The following PDE7B variants were observed in gnomAD, a reference collection of about 807,000 sequenced individuals.
The protein encoded by PDE7B is phosphodiesterase 7B.
In PDE7B, 29 loss-of-function variants were observed where a neutral mutation model predicts 56.2. That is an observed-to-expected ratio of 0.52 (90% confidence interval 0.38 to 0.70). The LOEUF is 0.70. Ranked by LOEUF, PDE7B falls within the 30% of genes least tolerant of loss-of-function variation. The pLI is 0.00. For synonymous variants in PDE7B, 197 were observed against 196.9 expected (o/e 1.00, Z 0.00); for missense variants, 490 against 565.0 (o/e 0.87, Z 1.35).
intron 2 of PDE7B, among the ~76,000 whole-genome samples, chr6:135,995,227 T>C (rs962376960): frequency 3.8e-5 from 5 of 130,074 alleles, no homozygotes; most frequent in Non-Finnish European, 8.0e-5. Flanking sequence ...GCTCCATACA[T>C]ATGTACCACC....
At chr6:136,096,879 G>GTC (rs1345452007) in intron 2 of PDE7B, among the ~76,000 whole-genome samples, 2 of 151,854 alleles carry the variant, frequency 1.3e-5, no homozygotes, top group African/African-American at 4.8e-5. Flanking sequence ...CTCTCTCTGT[G>GTC]TCTCTCTCTC....
chr6:136,078,328 C>T (rs1777153954), intron 2 of PDE7B, among the ~76,000 whole-genome samples: 1 of 152,154 alleles, frequency 6.6e-6, no homozygotes, highest in Non-Finnish European at 1.5e-5. Context: ...GACTTTCCAA[C>T]ATTTAACTAA....
At chr6:136,057,301 G>A (rs557296750) in intron 2 of PDE7B, among the ~76,000 whole-genome samples, 17 of 152,298 alleles carry the variant, frequency 1.1e-4, no homozygotes, top group Admixed American at 1.3e-4. Context: ...TACTCTGAGT[G>A]ATAAATAGTG....
chr6:135,928,596 C>T (rs1295957312), intron 1 of PDE7B, among the ~76,000 whole-genome samples: 2 of 147,194 alleles, frequency 1.4e-5, no homozygotes, highest in African/African-American at 5.0e-5. Context: ...CACATACATA[C>T]ATATACACCA....
At position 136,193,260 on chromosome 6, in the gene PDE7B, G is replaced by A. The variant is rs1028882363; in HGVS notation, c.*1420G>A. The A allele has an allele frequency of 6.6e-6, 1 of 152,586 alleles. No homozygotes were observed. Among genetic ancestry groups the A allele is most frequent in the Non-Finnish European group, 1.5e-5 (1 of 68,030 alleles). 9.5% of individuals were successfully genotyped at this position (152,586 alleles called of 1,614,324 possible). On this transcript the variant is annotated 3_prime_UTR_variant, in exon 13 of 13. Coordinates refer to ENST00000308191, the MANE Select transcript of PDE7B (RefSeq NM_018945.4). ...ATGGCTATAGTACCAAAGTACTTTT[G>A]GTGTTTGGTTGGTGTGCATTTCTTT...
chr6:135,871,772 TACACACACAC>T (rs10576996), intron 1 of PDE7B, among the ~76,000 whole-genome samples: 1 of 150,514 alleles, frequency 6.6e-6, no homozygotes, highest in African/African-American at 2.4e-5. Flanking sequence ...GATAGGTGTA[TACACACACAC>T]ACACACACAC....
chr6:135,853,601 G>A (rs1424850984), intron 1 of PDE7B, among the ~76,000 whole-genome samples: 1 of 152,144 alleles, frequency 6.6e-6, no homozygotes, highest in African/African-American at 2.4e-5. Flanking sequence ...TCCAAAAACT[G>A]TCTCTGCCTT....
At chr6:135,979,424 A>G (rs547071292) in intron 2 of PDE7B, among the ~76,000 whole-genome samples, 22 of 151,474 alleles carry the variant, frequency 1.5e-4, no homozygotes, top group African/African-American at 4.9e-4. Context: ...CTCTTTTTCT[A>G]TTGATTGGAA....
At chr6:136,093,140 C>T (rs761138836) in intron 2 of PDE7B, among the ~76,000 whole-genome samples, 4 of 152,214 alleles carry the variant, frequency 2.6e-5, no homozygotes, top group Non-Finnish European at 5.9e-5. Flanking sequence ...AGTATCTCCA[C>T]TTCAGTTTAA....
chr6:136,124,984 ATTT>A (rs1777997601), intron 3 of PDE7B, among the ~76,000 whole-genome samples: 1 of 152,244 alleles, frequency 6.6e-6, no homozygotes, highest in South Asian at 2.1e-4. Context: ...TAAAACAAAT[ATTT>A]AAAGTACAAT....
rs370404794 is a variant in PDE7B at position 136,150,855 on chromosome 6, A to G, written c.383-305A>G. Among the ~76,000 whole-genome samples, 704 of 150,634 alleles carry G rather than the reference A, an allele frequency of 4.7e-3. 2 individuals are homozygous for G. The highest frequency in any genetic ancestry group is 0.01 in the Middle Eastern group (3 of 292). ...TCTTTAAAAAAATACACATATACAC[A>G]TGTGTGTGTGTGTGTATGTGTATGT... On this transcript the variant is annotated intron_variant, in intron 5 of 12. Coordinates refer to ENST00000308191, the MANE Select transcript of PDE7B (RefSeq NM_018945.4).
At chr6:135,887,826 A>T (rs1775736076) in intron 1 of PDE7B, among the ~76,000 whole-genome samples, 1 of 152,114 alleles carries the variant, frequency 6.6e-6, no homozygotes, top group Non-Finnish European at 1.5e-5. Flanking sequence ...AATAAATCTC[A>T]TGTGACCTTT....
intron 1 of PDE7B, among the ~76,000 whole-genome samples, chr6:135,924,908 C>G (rs191534230): frequency 6.6e-6 from 1 of 150,878 alleles, no homozygotes; most frequent in East Asian, 1.9e-4. Context: ...AAAAAAGATG[C>G]TGTTCTAAAA....
At chr6:135,860,642 T>G (rs1243982215) in intron 1 of PDE7B, among the ~76,000 whole-genome samples, 1 of 152,002 alleles carries the variant, frequency 6.6e-6, no homozygotes, top group East Asian at 1.9e-4. Flanking sequence ...GTTTCTAATA[T>G]CTGCTTCTTG....
At chr6:136,065,361 G>A (rs899562096) in intron 2 of PDE7B, among the ~76,000 whole-genome samples, 11 of 152,160 alleles carry the variant, frequency 7.2e-5, no homozygotes, top group African/African-American at 2.7e-4. Flanking sequence ...TTCCTCATCT[G>A]AGAAGTCATA....
intron 6 of PDE7B, among the ~76,000 whole-genome samples, chr6:136,152,855 C>T (rs963928828): frequency 2.0e-5 from 3 of 152,214 alleles, no homozygotes; most frequent in Admixed American, 6.5e-5. Context: ...GAAGCTCTTC[C>T]AAGGACCTGC....
At chr6:136,164,115 G>GT (rs1163498384) in intron 8 of PDE7B, among the ~76,000 whole-genome samples, 1 of 152,150 alleles carries the variant, frequency 6.6e-6, no homozygotes, top group Non-Finnish European at 1.5e-5. Flanking sequence ...CCCAGACTGG[G>GT]TAATTTATAA....
chr6:136,065,925 C>T (rs2128213244), intron 2 of PDE7B, among the ~76,000 whole-genome samples: 1 of 152,188 alleles, frequency 6.6e-6, no homozygotes, highest in East Asian at 1.9e-4. Context: ...TAGTATTTCC[C>T]CCTGTGATCT....
chr6:135,892,746 G>A (rs897368475), intron 1 of PDE7B, among the ~76,000 whole-genome samples: 7 of 152,152 alleles, frequency 4.6e-5, no homozygotes, highest in Non-Finnish European at 4.4e-5. Context: ...TAGAAGAGAC[G>A]ATTTGAAATG....
Sources: gnomAD v4.1 joint callset for allele counts (sites outside exome capture counted in the v4.1 genomes callset) on GRCh38, gnomAD v4.1.1 for gene constraint, MANE v1.5 for transcripts, NCBI Gene and HGNC (gene_info 2026-07-23, HGNC 2026-07-21) for gene names.